The following MYO6 variants were observed in gnomAD, a reference collection of about 807,000 sequenced individuals.
MYO6 encodes the protein myosin VI, also known as unconventional myosin-VI.
A neutral mutation model predicts 178.7 loss-of-function variants in MYO6; 74 were observed. That is an observed-to-expected ratio of 0.41 (90% CI 0.34 to 0.50). The LOEUF (loss-of-function observed/expected upper bound fraction) is 0.50. Among genes scored for constraint, MYO6 ranks in the 20% least tolerant of loss-of-function variants. MYO6 has a pLI of 0.09. For synonymous variants in MYO6, 477 were observed against 504.6 expected (o/e 0.95, Z 0.73); for missense variants, 1,330 against 1,547.4 (o/e 0.86, Z 2.36).
intron 5 of MYO6, among the ~76,000 whole-genome samples, chr6:75,831,750 C>T (rs944293579): frequency 5.3e-5 from 8 of 151,676 alleles, no homozygotes; most frequent in East Asian, 3.9e-4. Context: ...AAAAATTAGC[C>T]GGGCATGTGC....
intron 1 of MYO6, among the ~76,000 whole-genome samples, chr6:75,807,672 A>G (rs1305865491): frequency 3.3e-5 from 5 of 152,230 alleles, no homozygotes; most frequent in African/African-American, 1.2e-4. Flanking sequence ...AAGTAAAGGA[A>G]TAAAGAATAG....
At position 75,835,662 on chromosome 6, in the gene MYO6, C is replaced by T. The variant is rs139570949; in HGVS notation, c.498-239C>T. ...GGCCAGGCTGGTCTCGAACTCCTGACCTCAGGTAATCCACCCTCCTTGGCC... is the reference window on the plus strand; with the variant it reads ...GGCCAGGCTGGTCTCGAACTCCTGATCTCAGGTAATCCACCCTCCTTGGCC... On this transcript the variant is annotated intron_variant, in intron 6 of 34. Coordinates refer to ENST00000369977, the MANE Select transcript of MYO6 (RefSeq NM_004999.4). Among the ~76,000 whole-genome samples the T allele has an allele frequency of 0.016, 2,463 of 152,132 alleles. 70 individuals are homozygous for T. Among genetic ancestry groups the T allele is most frequent in the African/African-American group, 0.057 (2,351 of 41,464 alleles).
chr6:75,751,979 T>G (rs979736120), intron 1 of MYO6, among the ~76,000 whole-genome samples: 4 of 151,940 alleles, frequency 2.6e-5, no homozygotes, highest in African/African-American at 9.7e-5. Context: ...TAAATAAATC[T>G]CAGAGTTTAT....
intron 30 of MYO6, among the ~76,000 whole-genome samples, chr6:75,899,055 A>G (rs567028054): frequency 6.6e-6 from 1 of 152,326 alleles, no homozygotes; most frequent in East Asian, 1.9e-4. Flanking sequence ...AAGTCTGAAT[A>G]ATCAGCAAAT....
chr6:75,803,643 T>G (rs1769714433), intron 1 of MYO6, among the ~76,000 whole-genome samples: 1 of 152,228 alleles, frequency 6.6e-6, no homozygotes, highest in South Asian at 2.1e-4. Flanking sequence ...CTTAATTAAA[T>G]TGTGGTAGTT....
At position 75,817,675 on chromosome 6, in the gene MYO6, C is replaced by T. The variant is rs369442356; in HGVS notation, c.117+11C>T. The T allele has an allele frequency of 1.1e-5, 18 of 1,605,104 alleles. No individual in the cohort carries two copies. In the African/African-American group the frequency reaches 1.7e-4, roughly 16 times the overall value. On this transcript the variant is annotated intron_variant, in intron 2 of 34. Transcript: ENST00000369977. ...AATCAGAAAGGCAAGGTGAGTTTCT[C>T]AGAAAGATGTTGAAATATGATTTCT...
At chr6:75,807,641 G>A (rs1291821235) in intron 1 of MYO6, among the ~76,000 whole-genome samples, 3 of 152,226 alleles carry the variant, frequency 2.0e-5, no homozygotes, top group African/African-American at 7.2e-5. Context: ...AGTCCATAAA[G>A]TGAAAGGAAG....
In MYO6 at chr6:75,863,187, A is replaced by G. The variant is rs532063384; in HGVS notation, c.1674+464A>G. ...TGCTTTGTTTTGTGACCTTAATCAC[A>G]TTCCAGGAGTTGGCACTCGGAGTCG... On this transcript the variant is annotated intron_variant, in intron 16 of 34. Coordinates refer to ENST00000369977, the MANE Select transcript of MYO6 (RefSeq NM_004999.4). 3.5e-4 allele frequency among the ~76,000 whole-genome samples: 54 copies of G among 152,316 alleles called. No individual in the cohort carries two copies. The East Asian group carries it at 9.7e-3, about 27-fold the overall frequency.
intron 14 of MYO6, among the ~76,000 whole-genome samples, chr6:75,860,082 T>C (rs1006641395): frequency 6.6e-6 from 1 of 152,258 alleles, no homozygotes; most frequent in African/African-American, 2.4e-5. Context: ...GGAGTGCCTC[T>C]GGGCAGTACT....
intron 1 of MYO6, among the ~76,000 whole-genome samples, chr6:75,806,845 T>C (rs1396646874): frequency 6.6e-6 from 1 of 152,188 alleles, no homozygotes; most frequent in East Asian, 1.9e-4. Flanking sequence ...CGTGGGTAAA[T>C]GTCTGTTCGG....
chr6:75,770,447 G>T (rs938069150), intron 1 of MYO6, among the ~76,000 whole-genome samples: 43 of 152,234 alleles, frequency 2.8e-4, no homozygotes, highest in Middle Eastern at 3.4e-3. Flanking sequence ...TCTGTATGTG[G>T]TATTCAAACT....
At chr6:75,837,754 G>T (rs975647399) in intron 7 of MYO6, among the ~76,000 whole-genome samples, 21 of 152,110 alleles carry the variant, frequency 1.4e-4, no homozygotes, top group African/African-American at 4.3e-4. Flanking sequence ...CAGTTTTTAT[G>T]TGGTGTTGTA....
At chr6:75,767,732 T>C (rs1427436705) in intron 1 of MYO6, among the ~76,000 whole-genome samples, 1 of 151,966 alleles carries the variant, frequency 6.6e-6, no homozygotes, top group Non-Finnish European at 1.5e-5. Flanking sequence ...CTCAGGCTGG[T>C]CTCTTAACTT....
At chr6:75,866,755 C>T in intron 17 of MYO6, 134 bp downstream of exon 17, 5 of 1,072,726 alleles carry the variant, frequency 4.7e-6, no homozygotes, top group Non-Finnish European at 7.1e-6. Context: ...AGTTCAATTC[C>T]TCAGTACACT....
intron 1 of MYO6, among the ~76,000 whole-genome samples, chr6:75,807,833 G>C (rs1306656779): frequency 1.3e-5 from 2 of 152,184 alleles, no homozygotes; most frequent in Non-Finnish European, 2.9e-5. Context: ...TATCAGCAGG[G>C]TCTTTATGAC....
At position 75,882,928 on chromosome 6, in the gene MYO6, GCTGT is replaced by G. The variant is rs566698253; in HGVS notation, c.2416+1113_2416+1116del. Among the ~76,000 whole-genome samples the G allele has an allele frequency of 2.0e-4, 30 of 152,314 alleles. No individual in the cohort carries two copies. In the South Asian group the frequency reaches 6.0e-3, roughly 31 times the overall value. ...TCTGAAATACTGTGATGATGAACAA[GCTGT>G]CTTTTGATGAGATCAGTCAAAAACC... is the stretch of plus-strand genomic sequence containing the variant. On this transcript the variant is annotated intron_variant, in intron 23 of 34. Coordinates refer to ENST00000369977, the MANE Select transcript of MYO6 (RefSeq NM_004999.4).
intron 30 of MYO6, among the ~76,000 whole-genome samples, chr6:75,901,381 G>A (rs1779763800): frequency 6.6e-6 from 1 of 152,132 alleles, no homozygotes. Context: ...CCATTTGTTT[G>A]TATCCTCTTT....
rs371426369 is a variant in MYO6, at chr6:75,886,140, T to G, written c.2507+46T>G. On this transcript the variant is annotated intron_variant, in intron 24 of 34. Transcript: ENST00000369977. ...AAAGAACTCTACAAAACCTAGTTAC[T>G]GTAATACAAAATGACAATAAAGTCA... The G allele has an allele frequency of 4.6e-5, 59 of 1,278,980 alleles. No homozygotes were observed. The African/African-American group carries it at 8.1e-4, about 18-fold the overall frequency. 79.2% of individuals were successfully genotyped at this position (1,278,980 alleles called of 1,614,324 possible). A position where few individuals can be genotyped will look rare whatever the true frequency, so the allele number is the denominator to read the frequency against.
At chr6:75,836,861 G>T in intron 7 of MYO6, among the ~76,000 whole-genome samples, 1 of 152,050 alleles carries the variant, frequency 6.6e-6, no homozygotes, top group East Asian at 1.9e-4. Context: ...GGGATTATAG[G>T]GGTGAGCCAC....
Sources: gnomAD v4.1 joint callset for allele counts (sites outside exome capture counted in the v4.1 genomes callset) on GRCh38, gnomAD v4.1.1 for gene constraint, MANE v1.5 for transcripts, NCBI Gene and HGNC (gene_info 2026-07-23, HGNC 2026-07-21) for gene names.